Variants in SPMIP2 observed in about 807,000 individuals in gnomAD.
SPMIP2 encodes protein SPMIP2.
chr4:159,081,534 T>C, the SPMIP2 span, among the ~76,000 whole-genome samples: 1 of 151,842 alleles, frequency 6.6e-6, no homozygotes, highest in Non-Finnish European at 1.5e-5. Flanking sequence ...CTACAAAAAA[T>C]ATAAAAATTA....
At chr4:158,908,781 G>T in the SPMIP2 span, among the ~76,000 whole-genome samples, 1,247 of 152,270 alleles carry the variant, frequency 8.2e-3, 19 homozygotes, top group African/African-American at 0.028. Flanking sequence ...CCGCCTCCTG[G>T]GTTCAAGTGA....
the SPMIP2 span, among the ~76,000 whole-genome samples, chr4:158,917,597 T>G: frequency 6.6e-6 from 1 of 151,946 alleles, no homozygotes. Flanking sequence ...CTGCTTGTGA[T>G]TCCCTCTCCT....
At chr4:159,035,125 T>C in the SPMIP2 span, 2 of 1,593,976 alleles carry the variant, frequency 1.3e-6, no homozygotes, top group Admixed American at 3.4e-5. Context: ...GCTACTGGAT[T>C]TTCTTCTTCG....
At chr4:159,049,511 C>T in the SPMIP2 span, among the ~76,000 whole-genome samples, 1 of 152,138 alleles carries the variant, frequency 6.6e-6, no homozygotes, top group Non-Finnish European at 1.5e-5. Context: ...TTGATATACG[C>T]AGACAACGTG....
chr4:158,904,458 A>G, the SPMIP2 span: 2 of 1,608,628 alleles, frequency 1.2e-6, no homozygotes, highest in Non-Finnish European at 1.7e-6. Context: ...TCTTTTCTCA[A>G]TATTCAGGAT....
chr4:158,984,940 A>G, the SPMIP2 span, among the ~76,000 whole-genome samples: 13 of 149,612 alleles, frequency 8.7e-5, no homozygotes, highest in South Asian at 4.2e-4. Context: ...ATAAAAAATG[A>G]TAAAGGGGAT....
At chr4:159,011,026 A>G in the SPMIP2 span, among the ~76,000 whole-genome samples, 4 of 152,104 alleles carry the variant, frequency 2.6e-5, no homozygotes, top group Non-Finnish European at 5.9e-5. Flanking sequence ...TCTTTGTATA[A>G]AATCCTGAGG....
the SPMIP2 span, among the ~76,000 whole-genome samples, chr4:158,953,163 G>A: frequency 6.6e-6 from 1 of 152,220 alleles, no homozygotes; most frequent in African/African-American, 2.4e-5. Context: ...CATATCAGAG[G>A]TCTTCATGAC....
chr4:159,074,824 A>C, the SPMIP2 span, among the ~76,000 whole-genome samples: 1 of 152,184 alleles, frequency 6.6e-6, no homozygotes, highest in Admixed American at 6.5e-5. Flanking sequence ...CCCTCATAAC[A>C]TGAGGTAAGA....
At chr4:158,977,600 CTTTTTTTTTTT>C in the SPMIP2 span, among the ~76,000 whole-genome samples, 6 of 72,402 alleles carry the variant, frequency 8.3e-5, no homozygotes, top group Non-Finnish European at 1.2e-4. Context: ...TCCTTCAGTT[CTTTTTTTTTTT>C]TTTTTTTTTT....
the SPMIP2 span, among the ~76,000 whole-genome samples, chr4:159,082,449 CTGTGTGTG>C: frequency 3.0e-3 from 331 of 111,658 alleles, 1 homozygote; most frequent in South Asian, 0.015. Flanking sequence ...CCACTTTTCT[CTGTGTGTG>C]TGTGTGTGTG....
chr4:159,004,442 C>T, the SPMIP2 span, among the ~76,000 whole-genome samples: 1 of 151,924 alleles, frequency 6.6e-6, no homozygotes, highest in Admixed American at 6.6e-5. Context: ...AGGCCCATGA[C>T]ACCACGCCCT....
chr4:158,966,365 T>C, the SPMIP2 span, among the ~76,000 whole-genome samples: 1 of 152,340 alleles, frequency 6.6e-6, no homozygotes, highest in African/African-American at 2.4e-5. Context: ...AAGAATTTCC[T>C]CCAGTGATCT....
chr4:158,896,497 TTTGGG>T, the SPMIP2 span, among the ~76,000 whole-genome samples: 517 of 152,320 alleles, frequency 3.4e-3, no homozygotes, highest in Middle Eastern at 0.02. Context: ...ACATTGTACA[TTTGGG>T]GAACTGCCCC....
chr4:159,035,271 G>T, the SPMIP2 span: 1 of 564,430 alleles, frequency 1.8e-6, no homozygotes, highest in Non-Finnish European at 3.2e-6. Context: ...TCCTTGCAGA[G>T]TTCTGCATTC....
At chr4:159,057,401 T>C in the SPMIP2 span, among the ~76,000 whole-genome samples, 2 of 152,218 alleles carry the variant, frequency 1.3e-5, no homozygotes, top group African/African-American at 4.8e-5. Context: ...GTACATTTTT[T>C]CTCCCTTTAT....
At chr4:158,985,064 C>A in the SPMIP2 span, among the ~76,000 whole-genome samples, 14 of 147,236 alleles carry the variant, frequency 9.5e-5, no homozygotes, top group Non-Finnish European at 1.5e-4. Context: ...ACACATACAC[C>A]CTCCCAAGAC....
the SPMIP2 span, among the ~76,000 whole-genome samples, chr4:159,008,390 T>G: frequency 5.3e-5 from 8 of 152,182 alleles, no homozygotes; most frequent in African/African-American, 1.9e-4. Flanking sequence ...CTGACCAACA[T>G]GGTGAAACCC....
chr4:158,918,287 T>G, the SPMIP2 span, among the ~76,000 whole-genome samples: 5 of 152,216 alleles, frequency 3.3e-5, no homozygotes, highest in Admixed American at 2.0e-4. Context: ...CTCTACAGCC[T>G]CTTTCCGCTC....
Sources: gnomAD v4.1 joint callset for allele counts (sites outside exome capture counted in the v4.1 genomes callset) on GRCh38, gnomAD v4.1.1 for gene constraint, MANE v1.5 for transcripts, NCBI Gene and HGNC (gene_info 2026-07-23, HGNC 2026-07-21) for gene names.